Variants in LIMS2 observed in about 807,000 individuals in gnomAD.
LIMS2 encodes the protein LIM zinc finger domain containing 2, also known as LIM and senescent cell antigen-like-containing domain protein 2.
In LIMS2, 30 loss-of-function variants were observed where a neutral mutation model predicts 45.3. The observed-to-expected ratio is 0.66, with a 90% confidence interval of 0.50 to 0.90. The LOEUF is 0.90. LIMS2 is among the 40% of genes least tolerant of loss of function. The pLI is 0.00. For missense variants in LIMS2, 485 were observed against 468.7 expected, an observed-to-expected ratio of 1.03 and a Z score of -0.32; for synonymous variants, 173 against 188.0, an observed-to-expected ratio of 0.92 and a Z score of 0.65.
chr2:127,654,630 C>T (rs954549795), intron 3 of LIMS2, 86 bp from the exon 4 acceptor site: 22 of 1,586,722 alleles, frequency 1.4e-5, no homozygotes, highest in African/African-American at 2.7e-5. Context: ...CCTAGCACTC[C>T]GCCTGCTCTC....
chr2:127,639,074 G>T lies in LIMS2; in HGVS notation c.*207C>A. ...CATAGGCTCCCACTCCCCAGCTCCTGCCTCCTCACAGACAGAAGCCACGGC... is the reference window on the plus strand; with the variant it reads ...CATAGGCTCCCACTCCCCAGCTCCTTCCTCCTCACAGACAGAAGCCACGGC... On this transcript the variant is annotated 3_prime_UTR_variant, in exon 10 of 10. Coordinates refer to ENST00000355119, the MANE Select transcript of LIMS2 (RefSeq NM_001161403.3). The T allele has an allele frequency of 1.7e-6, 1 of 588,828 alleles. No homozygotes were observed. Among genetic ancestry groups the T allele is most frequent in the South Asian group, 2.1e-5 (1 of 47,734 alleles). The allele number at this position is 588,828 out of a possible 1,614,324, so 36.5% of individuals were successfully genotyped here.
rs1445658418 is a variant in LIMS2, at chr2:127,642,869, G to A, written c.509+54C>T. ...GTGGAGGCCCCACCGCCCTTACCCT[G>A]GGCCAGCCCTGGCTCCCCGCCCCCA... On this transcript the variant is annotated intron_variant, in intron 5 of 9. Coordinates refer to ENST00000355119, the MANE Select transcript of LIMS2 (RefSeq NM_001161403.3). The surrounding 1 kb of genome is among the most constrained non-coding windows in gnomAD (Gnocchi z 5.3). 6.5e-7 allele frequency: 1 copy of A among 1,534,054 alleles called. No individual in the cohort carries two copies. The highest frequency in any genetic ancestry group is 8.8e-7 in the Non-Finnish European group (1 of 1,136,404).
chr2:127,656,407 TTTTC>T (rs1248044545), intron 2 of LIMS2, among the ~76,000 whole-genome samples: 27 of 150,264 alleles, frequency 1.8e-4, no homozygotes, highest in South Asian at 8.7e-4. Flanking sequence ...CTCCTTTTTT[TTTTC>T]TTTCTTTTTT....
At position 127,656,048 on chromosome 2, in the gene LIMS2, G is replaced by T. The variant is rs555210106; in HGVS notation, c.172-1152C>A. On this transcript the variant is annotated intron_variant, in intron 2 of 9. Transcript: ENST00000355119. The stretch of plus-strand genomic sequence containing the variant: ...ATGTGGACTTGAGGGGAGATGTGCA[G>T]TGGCCACACCAGCACAATGGACAGA... 10 of 152,372 alleles carry T rather than the reference G, an allele frequency of 6.6e-5. No homozygotes were observed. The East Asian group carries it at 1.9e-3, about 29-fold the overall frequency. 9.4% of individuals were successfully genotyped at this position (152,372 alleles called of 1,614,324 possible). A position where few individuals can be genotyped will look rare whatever the true frequency, so the allele number is the denominator to read the frequency against.
At chr2:127,641,231 C>T (rs1047877185) in intron 6 of LIMS2, 2 of 475,192 alleles carry the variant, frequency 4.2e-6, no homozygotes, top group Non-Finnish European at 7.7e-6. Context: ...TCAGCAGACC[C>T]TACCCCTCCT....
Position 127,667,676 on chromosome 2 carries a change from A to C in LIMS2, c.11+7338T>G, listed in dbSNP as rs140414617. ...AATAAAAGCACCCAACAAACTGGGAATAGAAGGGAACTTCTTCAATTTGAT... is the reference window on the plus strand; with the variant it reads ...AATAAAAGCACCCAACAAACTGGGACTAGAAGGGAACTTCTTCAATTTGAT... On this transcript the variant is annotated intron_variant, in intron 1 of 9. Coordinates refer to ENST00000355119, the MANE Select transcript of LIMS2 (RefSeq NM_001161403.3). This position sits in a 1 kb window ranked among gnomAD's most constrained non-coding sequence, Gnocchi z 4.1. Among the ~76,000 whole-genome samples, 32 of 152,364 alleles carry C rather than the reference A, an allele frequency of 2.1e-4. No homozygotes were observed. Among genetic ancestry groups the C allele is most frequent in the African/African-American group, 7.7e-4 (32 of 41,600 alleles).
At chr2:127,655,198 G>A in intron 2 of LIMS2, 1 of 514,856 alleles carries the variant, frequency 1.9e-6, no homozygotes, top group South Asian at 2.1e-5. Flanking sequence ...CAGGCTGGGG[G>A]CGAGGCGGTT....
chr2:127,650,282 G>A, intron 4 of LIMS2: 1 of 583,058 alleles, frequency 1.7e-6, no homozygotes. Flanking sequence ...TTGGGCTGAG[G>A]AGGAGCTGGA....
At chr2:127,652,059 T>G in intron 4 of LIMS2, 2 of 377,576 alleles carry the variant, frequency 5.3e-6, no homozygotes, top group Non-Finnish European at 1.0e-5. Context: ...AGGCCTTTCT[T>G]TCCCGCTAGG....
At position 127,642,111 on chromosome 2, in the gene LIMS2, C is replaced by A; in HGVS notation, c.598G>T (p.Ala200Ser). The A allele has an allele frequency of 6.2e-7, 1 of 1,608,542 alleles. No individual in the cohort carries two copies. The highest frequency in any genetic ancestry group is 8.5e-7 in the Non-Finnish European group (1 of 1,177,516). ...CGGCCCTCGATGGGCCGGCGGCAGG[C>A]CCCGCAGATGGGGACGCCCATCTTG... is the stretch of plus-strand genomic sequence containing the variant. ...HDKMGVPICG[A>S]CRRPIEGRVV... The change falls in exon 6 of 10, where the codon GCC becomes TCC. Residue 200 changes from alanine to serine, a missense_variant. Coordinates refer to ENST00000355119, the MANE Select transcript of LIMS2 (RefSeq NM_001161403.3). The surrounding 1 kb of genome is among the most constrained non-coding windows in gnomAD (Gnocchi z 5.3).
intron 4 of LIMS2, chr2:127,650,065 GA>G (rs1210501463): frequency 1.2e-6 from 2 of 1,605,964 alleles, no homozygotes; most frequent in African/African-American, 2.7e-5. Flanking sequence ...GAGAGATGCT[GA>G]AACTCTCAGG....
chr2:127,651,359 G>T, intron 4 of LIMS2: 7 of 1,612,282 alleles, frequency 4.3e-6, no homozygotes, highest in Non-Finnish European at 5.1e-6. Context: ...TCATCACCAC[G>T]GTCACCTGCT....
intron 4 of LIMS2, chr2:127,651,979 T>C: frequency 1.7e-6 from 1 of 589,810 alleles, no homozygotes; most frequent in South Asian, 2.3e-5. Flanking sequence ...CTACAATGGC[T>C]CCTAGACACT....
upstream of LIMS2, among the ~76,000 whole-genome samples, chr2:127,678,876 G>A (rs72846213): frequency 0.014 from 2,160 of 152,248 alleles, 26 homozygotes; most frequent in Middle Eastern, 0.082. The surrounding 1 kb of genome is among the most constrained non-coding windows in gnomAD (Gnocchi z 5.3). Flanking sequence ...GGGAAGAGAG[G>A]TCCATTCTCC....
intron 1 of LIMS2, among the ~76,000 whole-genome samples, chr2:127,670,020 T>A (rs992393057): frequency 2.0e-5 from 3 of 152,202 alleles, no homozygotes; most frequent in Non-Finnish European, 4.4e-5. Context: ...CTTCATACAT[T>A]CCTGGTGTAA....
intron 4 of LIMS2, chr2:127,643,445 T>C (rs2105211790): frequency 2.2e-6 from 1 of 458,860 alleles, no homozygotes; most frequent in South Asian, 1.5e-5. Flanking sequence ...ATAATGAGTG[T>C]CACTGTGCCC....
intron 1 of LIMS2, chr2:127,673,777 G>T: frequency 6.5e-7 from 1 of 1,545,646 alleles, no homozygotes; most frequent in Non-Finnish European, 8.8e-7. Flanking sequence ...CAGCCAGCTG[G>T]CAGGGATGCT....
At chr2:127,660,074 T>C (rs1410227863) in intron 1 of LIMS2, among the ~76,000 whole-genome samples, 1 of 152,230 alleles carries the variant, frequency 6.6e-6, no homozygotes, top group South Asian at 2.1e-4. Flanking sequence ...GCTGGGCTTC[T>C]GGTTGGGGTG....
In LIMS2 at chr2:127,664,140, T is replaced by TA. The variant is rs1386124676; in HGVS notation, c.12-6579dup. Among the ~76,000 whole-genome samples the TA allele has an allele frequency of 6.6e-6, 1 of 151,762 alleles. No individual in the cohort carries two copies. Among genetic ancestry groups the TA allele is most frequent in the Admixed American group, 6.6e-5 (1 of 15,264 alleles). On this transcript the variant is annotated intron_variant, in intron 1 of 9. Coordinates refer to ENST00000355119, the MANE Select transcript of LIMS2 (RefSeq NM_001161403.3). The surrounding 1 kb of genome is among the most constrained non-coding windows in gnomAD (Gnocchi z 5.5). The stretch of plus-strand genomic sequence containing the variant: ...ACAGGTGACATCCAACCCTGTTAGA[T>TA]AAAGTCGCACGCGCCCACCCTGTCG...
Sources: gnomAD v4.1 joint callset for allele counts (sites outside exome capture counted in the v4.1 genomes callset) on GRCh38, gnomAD v4.1.1 for gene constraint, Gnocchi (gnomAD v3.1) non-coding constraint, MANE v1.5 for transcripts, NCBI Gene and HGNC (gene_info 2026-07-23, HGNC 2026-07-21) for gene names.